BAZ2B: variants seen among roughly 807,000 people sequenced by gnomAD.
BAZ2B encodes the protein bromodomain adjacent to zinc finger domain 2B, also known as bromodomain adjacent to zinc finger domain protein 2B.
Under a neutral mutation model 246.0 loss-of-function variants are expected in BAZ2B, and 91 were observed. That is an observed-to-expected ratio of 0.37 (90% confidence interval 0.31 to 0.44). The LOEUF (loss-of-function observed/expected upper bound fraction) is 0.44, where lower values mean the gene tolerates loss of function less well. BAZ2B is among the 20% of genes least tolerant of loss of function. The pLI, the probability that BAZ2B is intolerant of heterozygous loss-of-function variation, is 1.00. For synonymous variants in BAZ2B, 855 were observed against 860.0 expected, an observed-to-expected ratio of 0.99 and a Z score of 0.10; for missense variants, 2,332 against 2,533.7, an observed-to-expected ratio of 0.92 and a Z score of 1.71.
intron 27 of BAZ2B, among the ~76,000 whole-genome samples, chr2:159,358,315 A>G (rs1213229527): frequency 6.6e-6 from 1 of 152,224 alleles, no homozygotes; most frequent in African/African-American, 2.4e-5. Flanking sequence ...TTGCAATCCT[A>G]GTCTCTGATA....
intron 32 of BAZ2B, chr2:159,337,347 A>G: frequency 8.1e-7 from 1 of 1,236,570 alleles, no homozygotes; most frequent in Admixed American, 2.8e-5. Flanking sequence ...TGCAAATAGC[A>G]TGATCCGTAT....
chr2:159,412,546 C>T lies in BAZ2B; in HGVS notation c.2467-1G>A. 1 of 1,609,880 alleles carries T rather than the reference C, an allele frequency of 6.2e-7. No homozygotes were observed. Among genetic ancestry groups the T allele is most frequent in the Non-Finnish European group, 8.5e-7 (1 of 1,177,510 alleles). On this transcript the variant is annotated splice_acceptor_variant, in intron 13 of 36. Coordinates refer to ENST00000392783, the MANE Select transcript of BAZ2B (RefSeq NM_013450.4). LOFTEE classifies it high-confidence loss of function. ...CTTTCAAAAGACACCACTGCATTCCCTTTTAATTAACATTTTATAGAAATA... is the reference window on the plus strand; with the variant it reads ...CTTTCAAAAGACACCACTGCATTCCTTTTTAATTAACATTTTATAGAAATA...
At chr2:159,381,973 C>T (rs1323261197) in intron 25 of BAZ2B, among the ~76,000 whole-genome samples, 2 of 152,158 alleles carry the variant, frequency 1.3e-5, no homozygotes, top group Non-Finnish European at 2.9e-5. Context: ...GAGTTTATTA[C>T]TCAGAAAGTC....
At chr2:159,327,844 C>T (rs529881643) in intron 34 of BAZ2B, among the ~76,000 whole-genome samples, 8 of 152,232 alleles carry the variant, frequency 5.3e-5, no homozygotes, top group Admixed American at 3.9e-4. Flanking sequence ...GGGGGCGGAT[C>T]GCCTGAGGTC....
At chr2:159,623,033 G>GA in the BAZ2B span, among the ~76,000 whole-genome samples, 1 of 90,800 alleles carries the variant, frequency 1.1e-5, no homozygotes, top group South Asian at 4.8e-4. Context: ...AAAGAAGAAA[G>GA]AAAGAGGAAA....
At chr2:159,591,078 G>A (rs1022005640) in intron 1 of BAZ2B, among the ~76,000 whole-genome samples, 7 of 152,096 alleles carry the variant, frequency 4.6e-5, no homozygotes, top group African/African-American at 1.7e-4. Flanking sequence ...TCCACAGTGG[G>A]CTGACATGAA....
the BAZ2B span, among the ~76,000 whole-genome samples, chr2:159,701,934 G>T: frequency 7.2e-5 from 11 of 151,998 alleles, no homozygotes; most frequent in African/African-American, 2.7e-4. Context: ...TCACCATGTT[G>T]GCTAGGCTGG....
intron 2 of BAZ2B, among the ~76,000 whole-genome samples, chr2:159,501,226 TTATATA>T (rs1224536412): frequency 8.9e-6 from 1 of 112,448 alleles, no homozygotes; most frequent in East Asian, 2.3e-4. Context: ...ATATATATAT[TTATATA>T]TATATATATA....
chr2:159,511,701 A>G (rs2082942851), intron 2 of BAZ2B, among the ~76,000 whole-genome samples: 1 of 152,212 alleles, frequency 6.6e-6, no homozygotes, highest in Non-Finnish European at 1.5e-5. Flanking sequence ...CATTTAACAC[A>G]TACACTACTA....
At chr2:159,498,937 T>G (rs1468869308) in intron 2 of BAZ2B, among the ~76,000 whole-genome samples, 1 of 152,198 alleles carries the variant, frequency 6.6e-6, no homozygotes, top group Admixed American at 6.5e-5. Flanking sequence ...AGAAAATATT[T>G]TCTTTCTGTA....
chr2:159,455,690 T>C (rs1447156919), intron 3 of BAZ2B, among the ~76,000 whole-genome samples: 1 of 150,980 alleles, frequency 6.6e-6, no homozygotes, highest in Non-Finnish European at 1.5e-5. Context: ...TAAAACAGAG[T>C]ATGCTACTGC....
intron 2 of BAZ2B, among the ~76,000 whole-genome samples, chr2:159,541,049 C>T (rs1325379306): frequency 6.6e-6 from 1 of 152,104 alleles, no homozygotes; most frequent in African/African-American, 2.4e-5. Flanking sequence ...ATTTTTTACA[C>T]ATTTCCTAGA....
At chr2:159,372,626 G>A (rs1169064446) in intron 27 of BAZ2B, among the ~76,000 whole-genome samples, 1 of 152,210 alleles carries the variant, frequency 6.6e-6, no homozygotes, top group Non-Finnish European at 1.5e-5. Flanking sequence ...ATTTGAAAAG[G>A]AATGAGGATT....
the BAZ2B span, among the ~76,000 whole-genome samples, chr2:159,683,860 C>G: frequency 6.6e-6 from 1 of 152,300 alleles, no homozygotes; most frequent in Admixed American, 6.5e-5. Flanking sequence ...TGCCCCATCT[C>G]AAGATTTTCA....
chr2:159,361,402 T>C (rs957967248), intron 27 of BAZ2B, among the ~76,000 whole-genome samples: 2 of 152,146 alleles, frequency 1.3e-5, no homozygotes, highest in African/African-American at 4.8e-5. Flanking sequence ...CACAATGAGA[T>C]ACCATCTCAT....
chr2:159,413,690 A>G (rs2067186274), intron 13 of BAZ2B, among the ~76,000 whole-genome samples: 1 of 151,814 alleles, frequency 6.6e-6, no homozygotes, highest in Non-Finnish European at 1.5e-5. Flanking sequence ...CCTGCAGGAT[A>G]AGAGCGAGAC....
At chr2:159,502,669 A>C (rs1577867298) in intron 2 of BAZ2B, among the ~76,000 whole-genome samples, 1 of 152,100 alleles carries the variant, frequency 6.6e-6, no homozygotes, top group African/African-American at 2.4e-5. Context: ...AATGGTACTC[A>C]ATGACAGAAT....
At chr2:159,449,262 C>T (rs1472466971) in intron 4 of BAZ2B, among the ~76,000 whole-genome samples, 1 of 152,200 alleles carries the variant, frequency 6.6e-6, no homozygotes, top group East Asian at 1.9e-4. Context: ...CTTATATTGA[C>T]CCATCTAAAA....
At chr2:159,378,682 C>CA (rs58767711) in intron 25 of BAZ2B, among the ~76,000 whole-genome samples, 2,439 of 152,198 alleles carry the variant, frequency 0.016, 78 homozygotes, top group African/African-American at 0.056. Flanking sequence ...AAATGGCCAA[C>CA]AGGTATGTGA....
Sources: allele counts gnomAD v4.1 joint callset (sites outside exome capture counted in the v4.1 genomes callset), GRCh38; gene constraint gnomAD v4.1.1; transcripts MANE v1.5; gene names NCBI Gene and HGNC (gene_info 2026-07-23, HGNC 2026-07-21).